SGCZ: variants seen among roughly 807,000 people sequenced by gnomAD.
SGCZ encodes sarcoglycan zeta, also known as zeta-sarcoglycan.
SGCZ carries 40 observed loss-of-function variants against 41.3 expected under a neutral mutation model. The ratio of observed to expected loss-of-function variants is 0.97; its 90% CI spans 0.75 to 1.26. SGCZ has a LOEUF of 1.26. Ranked by LOEUF, SGCZ falls within the 50% of genes most tolerant of loss-of-function variation. SGCZ has a pLI of 0.00. For synonymous variants in SGCZ, 206 were observed against 137.5 expected, an observed-to-expected ratio of 1.50 and a Z score of -3.49; for missense variants, 552 against 369.8, an observed-to-expected ratio of 1.49 and a Z score of -4.04.
At chr8:14,771,993 T>A (rs1202362451) in intron 1 of SGCZ, among the ~76,000 whole-genome samples, 3 of 152,186 alleles carry the variant, frequency 2.0e-5, no homozygotes, top group African/African-American at 7.2e-5. Flanking sequence ...TTCAACTTGA[T>A]GATTTTTCAA....
chr8:15,012,214 G>A (rs1053239358), intron 1 of SGCZ, among the ~76,000 whole-genome samples: 3 of 151,850 alleles, frequency 2.0e-5, no homozygotes, highest in Admixed American at 6.6e-5. Flanking sequence ...TGTAATACCC[G>A]CATTTTGGGA....
chr8:14,708,812 A>AGTGTGTGTGTGTGTGTGTGT (rs61049816), intron 1 of SGCZ, among the ~76,000 whole-genome samples: 14 of 148,584 alleles, frequency 9.4e-5, no homozygotes, highest in African/African-American at 3.2e-4. Context: ...GTTTTATTCG[A>AGTGTGTGTGTGTGTGTGTGT]GTGTGTGTGT....
Position 14,193,831 on chromosome 8 carries a change from A to C in SGCZ, c.425-29129T>G, listed in dbSNP as rs144224057. On this transcript the variant is annotated intron_variant, in intron 4 of 7. Transcript: ENST00000382080. Reference sequence around the variant, plus strand: ...CATAAAATTATTCTGATATGTTGTAAACGCTTTTGGTTTAATAAAGAAACT... The same window carrying C: ...CATAAAATTATTCTGATATGTTGTACACGCTTTTGGTTTAATAAAGAAACT... Among the ~76,000 whole-genome samples, 782 of 151,980 alleles carry C rather than the reference A, an allele frequency of 5.1e-3. 7 individuals carry two copies. Among genetic ancestry groups the C allele is most frequent in the African/African-American group, 0.018 (744 of 41,544 alleles).
At chr8:15,089,450 C>G (rs1806069928) in intron 1 of SGCZ, among the ~76,000 whole-genome samples, 1 of 151,850 alleles carries the variant, frequency 6.6e-6, no homozygotes, top group Non-Finnish European at 1.5e-5. Flanking sequence ...TACAGTAGCT[C>G]TCCTATATTC....
At chr8:14,263,733 G>A (rs61609689) in intron 3 of SGCZ, among the ~76,000 whole-genome samples, 3 of 152,008 alleles carry the variant, frequency 2.0e-5, no homozygotes, top group African/African-American at 7.3e-5. Flanking sequence ...CCAGGTGAGA[G>A]GTCAAAGTAC....
intron 1 of SGCZ, among the ~76,000 whole-genome samples, chr8:15,215,461 G>T (rs1480696672): frequency 1.3e-5 from 2 of 152,062 alleles, no homozygotes; most frequent in Non-Finnish European, 2.9e-5. Context: ...CTCAATTTTA[G>T]ATTTCTGTCT....
chr8:14,277,249 C>G (rs1365640), intron 3 of SGCZ, among the ~76,000 whole-genome samples: 5 of 152,090 alleles, frequency 3.3e-5, no homozygotes, highest in Admixed American at 3.3e-4. Context: ...CTTTTATCCT[C>G]GTAAAGTTCA....
At chr8:14,174,980 C>A (rs1310350444) in intron 4 of SGCZ, among the ~76,000 whole-genome samples, 2 of 152,066 alleles carry the variant, frequency 1.3e-5, no homozygotes, top group African/African-American at 4.8e-5. Flanking sequence ...GTATGGTCCA[C>A]CCTATTAATC....
At chr8:14,222,698 G>C (rs950135218) in intron 4 of SGCZ, among the ~76,000 whole-genome samples, 6 of 148,544 alleles carry the variant, frequency 4.0e-5, no homozygotes, top group African/African-American at 1.5e-4. Flanking sequence ...ATTGTATAAA[G>C]ATGAAGAGAC....
chr8:14,741,421 T>A (rs148785018), intron 1 of SGCZ, among the ~76,000 whole-genome samples: 1 of 152,232 alleles, frequency 6.6e-6, no homozygotes, highest in East Asian at 1.9e-4. Context: ...CCTTTCTCTC[T>A]TCTAAATAGA....
At chr8:14,944,140 C>T (rs1042377089) in intron 1 of SGCZ, among the ~76,000 whole-genome samples, 2 of 152,162 alleles carry the variant, frequency 1.3e-5, no homozygotes, top group Non-Finnish European at 2.9e-5. Flanking sequence ...TCATTCGAAT[C>T]ATATAGGCAG....
intron 1 of SGCZ, among the ~76,000 whole-genome samples, chr8:14,749,381 C>G (rs1017277045): frequency 6.6e-6 from 1 of 152,106 alleles, no homozygotes; most frequent in African/African-American, 2.4e-5. Context: ...ACTCATCACC[C>G]CAGGTTCTAG....
chr8:15,187,629 T>C (rs1452822498), intron 1 of SGCZ, among the ~76,000 whole-genome samples: 1 of 152,018 alleles, frequency 6.6e-6, no homozygotes, highest in Non-Finnish European at 1.5e-5. Flanking sequence ...ATAATAACTT[T>C]TAGGCACATT....
At chr8:14,531,723 C>T (rs1803139180) in intron 2 of SGCZ, among the ~76,000 whole-genome samples, 1 of 152,094 alleles carries the variant, frequency 6.6e-6, no homozygotes, top group Admixed American at 6.6e-5. Context: ...AATGCTGTCT[C>T]CTTCCCTACT....
At chr8:15,207,037 A>G (rs1224827196) in intron 1 of SGCZ, among the ~76,000 whole-genome samples, 1 of 152,250 alleles carries the variant, frequency 6.6e-6, no homozygotes, top group Non-Finnish European at 1.5e-5. Flanking sequence ...AGCAACTACA[A>G]GACGAAGGGA....
intron 1 of SGCZ, among the ~76,000 whole-genome samples, chr8:15,226,767 C>T (rs1311691322): frequency 2.0e-5 from 3 of 152,114 alleles, no homozygotes; most frequent in African/African-American, 7.2e-5. Context: ...GAAATACATA[C>T]ATATGTCTTA....
intron 1 of SGCZ, among the ~76,000 whole-genome samples, chr8:14,803,299 C>A (rs1306820260): frequency 6.6e-6 from 1 of 152,136 alleles, no homozygotes; most frequent in African/African-American, 2.4e-5. Context: ...GTGATTTCTG[C>A]ATTTCCATCT....
chr8:14,942,210 A>G (rs1242430156), intron 1 of SGCZ, among the ~76,000 whole-genome samples: 1 of 152,078 alleles, frequency 6.6e-6, no homozygotes, highest in African/African-American at 2.4e-5. Context: ...AAAAGGACCT[A>G]CCCTCATGGA....
chr8:14,459,417 TA>T (rs935153987), intron 2 of SGCZ, among the ~76,000 whole-genome samples: 1 of 149,624 alleles, frequency 6.7e-6, no homozygotes, highest in African/African-American at 2.5e-5. Flanking sequence ...TAAAGTATAA[TA>T]AAAAATAAAA....
Sources: gnomAD v4.1 joint callset for allele counts (sites outside exome capture counted in the v4.1 genomes callset) on GRCh38, gnomAD v4.1.1 for gene constraint, MANE v1.5 for transcripts, NCBI Gene and HGNC (gene_info 2026-07-23, HGNC 2026-07-21) for gene names.